Variants in SNX9 observed in about 807,000 individuals in gnomAD.
SNX9 encodes sorting nexin 9.
Under a neutral mutation model 89.4 loss-of-function variants are expected in SNX9, and 44 were observed. The ratio of observed to expected loss-of-function variants is 0.49; its 90% CI spans 0.39 to 0.63. The LOEUF (loss-of-function observed/expected upper bound fraction) is 0.63, where lower values mean the gene tolerates loss of function less well. Among genes scored for constraint, SNX9 ranks in the 30% least tolerant of loss-of-function variants. The probability of loss-of-function intolerance (pLI) is 0.00; values close to 1 mark genes in which losing one functional copy is unlikely to be tolerated. For synonymous variants in SNX9, 236 were observed against 247.8 expected, an observed-to-expected ratio of 0.95 and a Z score of 0.45; for missense variants, 578 against 736.1, an observed-to-expected ratio of 0.79 and a Z score of 2.49.
intron 9 of SNX9, among the ~76,000 whole-genome samples, chr6:157,921,113 A>G (rs972670393): frequency 6.6e-6 from 1 of 152,260 alleles, no homozygotes; most frequent in Non-Finnish European, 1.5e-5. Context: ...AATTCCACTC[A>G]TCACTCCTTT....
intron 14 of SNX9, 102 bp downstream of exon 14, chr6:157,936,142 T>C (rs1043779355): frequency 5.8e-5 from 45 of 777,222 alleles, no homozygotes; most frequent in Non-Finnish European, 8.3e-5. Flanking sequence ...ATAAGTACCC[T>C]CTTCTTTTCT....
intron 1 of SNX9, among the ~76,000 whole-genome samples, chr6:157,842,431 G>A (rs1781720951): frequency 6.6e-6 from 1 of 152,144 alleles, no homozygotes; most frequent in Non-Finnish European, 1.5e-5. Context: ...CATCACCACT[G>A]CCTAGACAGA....
At chr6:157,887,376 T>C (rs1782755960) in intron 4 of SNX9, among the ~76,000 whole-genome samples, 1 of 152,208 alleles carries the variant, frequency 6.6e-6, no homozygotes, top group Non-Finnish European at 1.5e-5. Flanking sequence ...GTGTGTGTCT[T>C]TCCCTGACCT....
chr6:157,916,957 T>A (rs752396332), intron 9 of SNX9, among the ~76,000 whole-genome samples: 14 of 152,066 alleles, frequency 9.2e-5, no homozygotes, highest in Non-Finnish European at 1.9e-4. Flanking sequence ...TTGTTTATAT[T>A]CTGGAAGAGA....
chr6:157,880,055 T>G (rs180909943), intron 4 of SNX9, among the ~76,000 whole-genome samples: 103 of 152,352 alleles, frequency 6.8e-4, no homozygotes, highest in African/African-American at 2.4e-3. Context: ...TTCTGGCCTC[T>G]GTCACATGCT....
intron 9 of SNX9, among the ~76,000 whole-genome samples, chr6:157,911,532 G>A (rs542184566): frequency 3.3e-5 from 5 of 152,294 alleles, no homozygotes; most frequent in East Asian, 1.9e-4. Flanking sequence ...GACACTTCCC[G>A]AGTGCCTCTC....
chr6:157,858,263 T>G, intron 1 of SNX9, among the ~76,000 whole-genome samples: 1 of 146,726 alleles, frequency 6.8e-6, no homozygotes, highest in East Asian at 2.0e-4. Context: ...TTTTTTTTTT[T>G]GAGATGGAGT....
At chr6:157,890,301 C>T (rs1782830993) in intron 4 of SNX9, among the ~76,000 whole-genome samples, 2 of 152,286 alleles carry the variant, frequency 1.3e-5, no homozygotes, top group South Asian at 4.1e-4. Context: ...TTCTGTGGTC[C>T]AGTGGCTCTG....
At chr6:157,923,966 G>C (rs1039733661) in intron 10 of SNX9, among the ~76,000 whole-genome samples, 5 of 152,326 alleles carry the variant, frequency 3.3e-5, no homozygotes, top group African/African-American at 1.2e-4. Context: ...CCCAGGCTGG[G>C]TGTGGCGGAT....
chr6:157,936,140 C>T (rs781400701), intron 14 of SNX9, 100 bp downstream of exon 14: 1 of 804,432 alleles, frequency 1.2e-6, no homozygotes, highest in Non-Finnish European at 1.9e-6. Context: ...AAATAAGTAC[C>T]CTCTTCTTTT....
chr6:157,854,538 A>C (rs1354384396), intron 1 of SNX9, among the ~76,000 whole-genome samples: 1 of 152,372 alleles, frequency 6.6e-6, no homozygotes, highest in Admixed American at 6.5e-5. Context: ...CTAGTTGTGT[A>C]CATGCAAACA....
intron 9 of SNX9, among the ~76,000 whole-genome samples, chr6:157,913,711 T>A (rs1783399114): frequency 6.6e-6 from 1 of 152,210 alleles, no homozygotes. Flanking sequence ...TGTTCATAAT[T>A]CTGCGTTTTC....
At chr6:157,926,669 C>CGCCTAAAAAA (rs1362357519) in intron 10 of SNX9, among the ~76,000 whole-genome samples, 2 of 150,392 alleles carry the variant, frequency 1.3e-5, no homozygotes, top group Non-Finnish European at 2.9e-5. Context: ...AAAGTCCCAG[C>CGCCTAAAAAA]TACTTGGGGG....
chr6:157,938,350 G>A (rs748071791), intron 15 of SNX9, among the ~76,000 whole-genome samples: 4 of 152,188 alleles, frequency 2.6e-5, no homozygotes, highest in East Asian at 1.9e-4. Context: ...AAATGGCAGC[G>A]GCTTCTGAAT....
intron 1 of SNX9, among the ~76,000 whole-genome samples, chr6:157,843,053 A>G (rs1167512179): frequency 2.0e-5 from 3 of 152,186 alleles, no homozygotes; most frequent in Admixed American, 1.3e-4. Flanking sequence ...CAAGCAAGAT[A>G]GAGTTGGTTA....
At chr6:157,910,918 G>A (rs928621176) in intron 9 of SNX9, among the ~76,000 whole-genome samples, 5 of 152,210 alleles carry the variant, frequency 3.3e-5, no homozygotes, top group African/African-American at 9.6e-5. Flanking sequence ...TCAGGAGATC[G>A]AGACCATCCA....
At position 157,937,522 on chromosome 6, in the gene SNX9, A is replaced by G. The variant is rs1221246859; in HGVS notation, c.1532A>G (p.Lys511Arg). ...TTCCCTGACATCATTGGCACTCACAAGGTAACCTGATCGTAGACATTTATA... is the reference window on the plus strand; with the variant it reads ...TTCCCTGACATCATTGGCACTCACAGGGTAACCTGATCGTAGACATTTATA... ...GCFPDIIGTH[K>R]GAIEKVKESD... Residue 511 changes from lysine to arginine, a missense_variant and splice_region_variant, in exon 15 of 18, where the codon AAG becomes AGG. Physicochemically the swap from Lys to Arg is conservative, Grantham distance 26. This residue lies in a region of SNX9 where 348 missense variants were observed against 491.4 expected (regional missense o/e 0.71). Transcript: ENST00000392185. 1 of 1,611,012 alleles carries G rather than the reference A, an allele frequency of 6.2e-7. No individual in the cohort carries two copies. Among genetic ancestry groups the G allele is most frequent in the Non-Finnish European group, 8.5e-7 (1 of 1,177,472 alleles).
chr6:157,845,545 A>G lies in SNX9; in HGVS notation c.13-22002A>G, dbSNP rs546552457. On this transcript the variant is annotated intron_variant, in intron 1 of 17. Coordinates refer to ENST00000392185, the MANE Select transcript of SNX9 (RefSeq NM_016224.5). ...TAGCTATGTAATAATTCAGTTGCAT[A>G]GCTATAGTAACTTACTGTAATCACA... Among the ~76,000 whole-genome samples, 21 of 152,374 alleles carry G rather than the reference A, an allele frequency of 1.4e-4. 1 individual carries two copies. In the South Asian group the frequency reaches 4.3e-3, roughly 32 times the overall value.
intron 1 of SNX9, among the ~76,000 whole-genome samples, chr6:157,867,170 C>G (rs1782281233): frequency 6.6e-6 from 1 of 152,080 alleles, no homozygotes; most frequent in South Asian, 2.1e-4. Flanking sequence ...TCAGGCTGGT[C>G]TCGAACCCCT....
Sources: allele counts gnomAD v4.1 joint callset (sites outside exome capture counted in the v4.1 genomes callset), GRCh38; gene constraint gnomAD v4.1.1; regional missense constraint gnomAD v4.1.1; transcripts MANE v1.5; gene names NCBI Gene and HGNC (gene_info 2026-07-23, HGNC 2026-07-21).